Variants in TRIP4 observed in about 807,000 individuals in gnomAD.
TRIP4 encodes the protein thyroid hormone receptor interactor 4, also known as activating signal cointegrator 1.
TRIP4 carries 54 observed loss-of-function variants against 81.8 expected under a neutral mutation model. The ratio of observed to expected loss-of-function variants is 0.66; its 90% CI spans 0.53 to 0.83. The LOEUF (loss-of-function observed/expected upper bound fraction) is 0.83, where lower values mean the gene tolerates loss of function less well. Among genes scored for constraint, TRIP4 ranks in the 40% least tolerant of loss-of-function variants. The probability of loss-of-function intolerance (pLI) is 0.00; values close to 1 mark genes in which losing one functional copy is unlikely to be tolerated. For synonymous variants in TRIP4, 270 were observed against 242.8 expected, an observed-to-expected ratio of 1.11 and a Z score of -1.04; for missense variants, 662 against 683.6, an observed-to-expected ratio of 0.97 and a Z score of 0.35.
intron 1 of TRIP4, among the ~76,000 whole-genome samples, chr15:64,388,267 T>A (rs1428744298): frequency 6.6e-6 from 1 of 152,152 alleles, no homozygotes. Flanking sequence ...CAGGTCAAAC[T>A]GTATTTCCTA....
intron 6 of TRIP4, among the ~76,000 whole-genome samples, chr15:64,408,253 T>A (rs1891677473): frequency 5.7e-5 from 1 of 17,432 alleles, no homozygotes. Flanking sequence ...AGACAAATTT[T>A]TTTTTTTTTT....
chr15:64,391,815 CA>C (rs1900138927), intron 1 of TRIP4, among the ~76,000 whole-genome samples: 1 of 149,628 alleles, frequency 6.7e-6, no homozygotes, highest in East Asian at 2.0e-4. Context: ...ACTAAAAATT[CA>C]AAAAATTAGC....
At chr15:64,417,628 T>C (rs1190704732) in intron 8 of TRIP4, among the ~76,000 whole-genome samples, 1 of 152,186 alleles carries the variant, frequency 6.6e-6, no homozygotes, top group African/African-American at 2.4e-5. Context: ...ACCTGTACCT[T>C]ATAATTCTCT....
chr15:64,402,309 G>A (rs760804468), intron 5 of TRIP4, among the ~76,000 whole-genome samples: 13 of 147,946 alleles, frequency 8.8e-5, no homozygotes, highest in Middle Eastern at 3.5e-3. Context: ...CGCAGCCTTC[G>A]CCTCCCAGGT....
At chr15:64,425,661 G>A (rs913587383) in intron 11 of TRIP4, 30 bp downstream of exon 11, 2 of 1,572,542 alleles carry the variant, frequency 1.3e-6, no homozygotes, top group African/African-American at 2.7e-5. Context: ...TTTTTTTAGA[G>A]ACAGGGTTTC....
intron 8 of TRIP4, among the ~76,000 whole-genome samples, chr15:64,415,811 C>A (rs1267979993): frequency 6.6e-6 from 1 of 152,180 alleles, no homozygotes; most frequent in Admixed American, 6.5e-5. Context: ...AACACCTGAT[C>A]ATGAAAGATT....
intron 12 of TRIP4, among the ~76,000 whole-genome samples, chr15:64,454,275 A>C (rs904807769): frequency 2.6e-5 from 4 of 152,174 alleles, no homozygotes; most frequent in African/African-American, 4.8e-5. Context: ...GAATTCTCTT[A>C]AGATTCTCCT....
chr15:64,453,208 A>G (rs1892811136), intron 12 of TRIP4, among the ~76,000 whole-genome samples: 1 of 152,134 alleles, frequency 6.6e-6, no homozygotes, highest in Non-Finnish European at 1.5e-5. Context: ...CTTATGCAAT[A>G]CAGACGACTG....
intron 1 of TRIP4, among the ~76,000 whole-genome samples, chr15:64,392,332 C>T (rs1371578772): frequency 6.6e-6 from 1 of 151,982 alleles, no homozygotes; most frequent in South Asian, 2.1e-4. Context: ...TTAAATGATC[C>T]CTTGGGATTC....
chr15:64,387,989 G>A lies in TRIP4; in HGVS notation c.101+25G>A, dbSNP rs1899999305. The A allele has an allele frequency of 2.6e-6, 4 of 1,540,290 alleles. No individual in the cohort carries two copies. The Admixed American group carries it at 8.0e-5, about 31-fold the overall frequency. Reference sequence around the variant, plus strand: ...AGTGAGAACAGTTCGGGTCCAAGCGGGGAAGGAGCTCTGGGATGTGCACTG... The same window carrying A: ...AGTGAGAACAGTTCGGGTCCAAGCGAGGAAGGAGCTCTGGGATGTGCACTG... On this transcript the variant is annotated intron_variant, in intron 1 of 12. Coordinates refer to ENST00000261884, the MANE Select transcript of TRIP4 (RefSeq NM_016213.5).
At chr15:64,417,144 A>T (rs1891906213) in intron 8 of TRIP4, among the ~76,000 whole-genome samples, 1 of 152,090 alleles carries the variant, frequency 6.6e-6, no homozygotes, top group Non-Finnish European at 1.5e-5. Context: ...AGTGGCTCAG[A>T]CTACAGTAGC....
chr15:64,434,229 G>T (rs891415914), intron 11 of TRIP4, among the ~76,000 whole-genome samples: 9 of 151,950 alleles, frequency 5.9e-5, no homozygotes, highest in African/African-American at 2.2e-4. Context: ...GAAAAACCCC[G>T]TCTCTACTAG....
Position 64,397,668 on chromosome 15 carries a change from G to T in TRIP4, c.468G>T (p.Glu156Asp). The part of the protein sequence containing the change: ...KTKFVNLYTR[E>D]GQDRLAVLLP... ...AGTTTGTCAATTTATACACAAGAGA[G>T]GGACAGGACAGGCTTGCAGTCCTGC... Residue 156 changes from glutamate (E) to aspartate (D), a missense_variant, in exon 4 of 13, where the codon GAG becomes GAT. Coordinates refer to ENST00000261884, the MANE Select transcript of TRIP4 (RefSeq NM_016213.5). 6.2e-7 allele frequency: 1 copy of T among 1,614,192 alleles called. No individual in the cohort carries two copies. The highest frequency in any genetic ancestry group is 8.5e-7 in the Non-Finnish European group (1 of 1,180,028).
At chr15:64,436,794 A>G (rs1013961094) in intron 11 of TRIP4, among the ~76,000 whole-genome samples, 7 of 3,982 alleles carry the variant, frequency 1.8e-3, no homozygotes, top group Non-Finnish European at 8.6e-3. Flanking sequence ...TTTTTTTTTA[A>G]TAAGGAGTCT....
At chr15:64,439,839 T>C (rs1042620909) in intron 11 of TRIP4, among the ~76,000 whole-genome samples, 2 of 152,056 alleles carry the variant, frequency 1.3e-5, no homozygotes, top group Non-Finnish European at 2.9e-5. Context: ...ATAAATCTTA[T>C]ATCTGGAGAC....
At chr15:64,391,231 A>G (rs1471407233) in intron 1 of TRIP4, among the ~76,000 whole-genome samples, 1 of 151,252 alleles carries the variant, frequency 6.6e-6, no homozygotes, top group Non-Finnish European at 1.5e-5. Context: ...ATCTCGGCTC[A>G]CTGCAACCTC....
rs536475068 is a variant in TRIP4, at chr15:64,425,940, G to A, written c.1575+309G>A. 3.9e-5 allele frequency among the ~76,000 whole-genome samples: 6 copies of A among 152,222 alleles called. No individual in the cohort carries two copies. The East Asian group carries it at 5.8e-4, about 15-fold the overall frequency. On this transcript the variant is annotated intron_variant, in intron 11 of 12. Coordinates refer to ENST00000261884, the MANE Select transcript of TRIP4 (RefSeq NM_016213.5). The stretch of plus-strand genomic sequence containing the variant: ...CTACTAAAAATACAAAAAATTAGCC[G>A]GGTGTGGTGGCACGTGCCTGTAGTC...
rs1163445578 is a variant in TRIP4 at position 64,414,149 on chromosome 15, A to G, written c.1108A>G (p.Arg370Gly). The G allele has an allele frequency of 5.0e-6, 8 of 1,614,140 alleles. No individual in the cohort carries two copies. Among genetic ancestry groups the G allele is most frequent in the Non-Finnish European group, 6.8e-6 (8 of 1,180,016 alleles). The change falls in exon 8 of 13, where the codon AGA (arginine) becomes GGA (glycine). Residue 370 changes from arginine (R) to glycine (G), a missense_variant. Arg to Gly is a moderately radical substitution (Grantham distance 125). Transcript: ENST00000261884. ...GAACCAGCCACTGACCAAATTGGAT[A>G]GATCTTCTGAAGAGCCTTTGGGAGT... ...TLNQPLTKLD[R>G]SSEEPLGVLV...
At chr15:64,445,949 T>G (rs1892623785) in intron 12 of TRIP4, among the ~76,000 whole-genome samples, 1 of 152,144 alleles carries the variant, frequency 6.6e-6, no homozygotes, top group South Asian at 2.1e-4. Flanking sequence ...ACATTGTCAT[T>G]TATCCATTTA....
Sources: gnomAD v4.1 joint callset for allele counts (sites outside exome capture counted in the v4.1 genomes callset) on GRCh38, gnomAD v4.1.1 for gene constraint, MANE v1.5 for transcripts, NCBI Gene and HGNC (gene_info 2026-07-23, HGNC 2026-07-21) for gene names.